The following RCAN3 variants were observed in gnomAD, a reference collection of about 807,000 sequenced individuals.
The protein encoded by RCAN3 is regulator of calcineurin 3.
Under a neutral mutation model 21.9 loss-of-function variants are expected in RCAN3, and 19 were observed. The ratio of observed to expected loss-of-function variants is 0.87; its 90% CI spans 0.61 to 1.27. The LOEUF is 1.27. Among genes scored for constraint, RCAN3 ranks in the 50% most tolerant of loss-of-function variants. The pLI is 0.00. For missense variants in RCAN3, 240 were observed against 300.1 expected (o/e 0.80, Z 1.48); for synonymous variants, 114 against 112.3 (o/e 1.01, Z -0.09).
intron 2 of RCAN3, among the ~76,000 whole-genome samples, chr1:24,515,909 C>T (rs1341020450): frequency 1.3e-5 from 2 of 152,114 alleles, no homozygotes; most frequent in African/African-American, 4.8e-5. Context: ...CTTTGGGAGG[C>T]CAAGGCAGGC....
rs1319891104 is a variant in RCAN3, at chr1:24,539,711, A to G, written c.*4434A>G. On this transcript the variant is annotated 3_prime_UTR_variant, in exon 5 of 5. Transcript: ENST00000374395. ...TTTAAAAGGGAAAATCTCACACATA[A>G]TTAAGCAGTGGAAAATGTGCTCAAT... The G allele has an allele frequency of 6.6e-6, 1 of 152,236 alleles. No homozygotes were observed. The highest frequency in any genetic ancestry group is 1.5e-5 in the Non-Finnish European group (1 of 68,046). 9.4% of individuals were successfully genotyped at this position (152,236 alleles called of 1,614,324 possible). A position where few individuals can be genotyped will look rare whatever the true frequency, so the allele number is the denominator to read the frequency against.
At chr1:24,506,612 A>G (rs1229861841) in intron 1 of RCAN3, among the ~76,000 whole-genome samples, 1 of 151,740 alleles carries the variant, frequency 6.6e-6, no homozygotes, top group Admixed American at 6.6e-5. Flanking sequence ...AACAGAAGGA[A>G]TTGGTGACTC....
chr1:24,502,749 CCCCCGCGCGCCCCCGCCCCGGT>C (rs1204001375), upstream of RCAN3: 1 of 150,662 alleles, frequency 6.6e-6, no homozygotes, highest in African/African-American at 2.4e-5. Flanking sequence ...CCCACCCCGG[CCCCCGCGCGCCCCCGCCCCGGT>C]CCCCGCCCGG....
At chr1:24,532,813 G>A (rs537350264) in intron 3 of RCAN3, among the ~76,000 whole-genome samples, 11 of 151,286 alleles carry the variant, frequency 7.3e-5, no homozygotes, top group Middle Eastern at 3.4e-3. Flanking sequence ...TTAGCCGGGC[G>A]TGGTGACATG....
intron 3 of RCAN3, among the ~76,000 whole-genome samples, chr1:24,532,747 G>GTGCTA (rs1394536320): frequency 6.6e-6 from 1 of 150,608 alleles, no homozygotes; most frequent in Non-Finnish European, 1.5e-5. Flanking sequence ...AGGAGATCGA[G>GTGCTA]ACCATCCTGG....
Position 24,523,603 on chromosome 1 carries a change from TACACACACACACACACACAC to T in RCAN3, c.196-7595_196-7576del, listed in dbSNP as rs71577716. Among the ~76,000 whole-genome samples the T allele has an allele frequency of 2.8e-5, 4 of 140,760 alleles. No individual in the cohort carries two copies. The East Asian group carries it at 6.1e-4, about 21-fold the overall frequency. The allele number at this position is 140,760 out of a possible 152,430, so 92.3% of individuals were successfully genotyped here. ...TATATCAAATCTATATTATTTCTAA[TACACACACACACACACACAC>T]ACACACACACACACACACATATATA... is the stretch of plus-strand genomic sequence containing the variant. On this transcript the variant is annotated intron_variant, in intron 2 of 4. Coordinates refer to ENST00000374395, the MANE Select transcript of RCAN3 (RefSeq NM_013441.4).
chr1:24,517,084 G>GTTTTTTTTTTTT (rs11372088), intron 2 of RCAN3, among the ~76,000 whole-genome samples: 2 of 146,860 alleles, frequency 1.4e-5, no homozygotes, highest in African/African-American at 5.0e-5. Flanking sequence ...CTATTTTTTT[G>GTTTTTTTTTTTT]TTTTTTTTTG....
chr1:24,503,528 CCT>C (rs1647235393), intron 1 of RCAN3, among the ~76,000 whole-genome samples: 1 of 152,222 alleles, frequency 6.6e-6, no homozygotes. Context: ...GTGGAAGCCC[CCT>C]GTCTTTCTCC....
In RCAN3 at chr1:24,536,003, C is replaced by G. The variant is rs1051369905; in HGVS notation, c.*726C>G. The G allele has an allele frequency of 1.3e-5, 2 of 151,552 alleles. No individual in the cohort carries two copies. Among genetic ancestry groups the G allele is most frequent in the Non-Finnish European group, 2.9e-5 (2 of 68,014 alleles). 9.4% of individuals were successfully genotyped at this position (151,552 alleles called of 1,614,324 possible). On this transcript the variant is annotated 3_prime_UTR_variant, in exon 5 of 5. Coordinates refer to ENST00000374395, the MANE Select transcript of RCAN3 (RefSeq NM_013441.4). ...GACATGGCTGCCCAGGAAGGACGGC[C>G]ACTTTAGAAGTGGGACGTATCACCA...
intron 2 of RCAN3, among the ~76,000 whole-genome samples, chr1:24,524,347 G>C (rs911673954): frequency 1.3e-5 from 2 of 152,162 alleles, no homozygotes; most frequent in African/African-American, 4.8e-5. Context: ...TTCAGTTACA[G>C]GTTTCTTTCT....
Position 24,514,487 on chromosome 1 carries a change from A to G in RCAN3, c.115A>G (p.Met39Val). The G allele has an allele frequency of 6.2e-7, 1 of 1,614,142 alleles. No homozygotes were observed. Among genetic ancestry groups the G allele is most frequent in the Non-Finnish European group, 8.5e-7 (1 of 1,180,020 alleles). Residue 39 changes from methionine (M) to valine (V), a missense_variant, in exon 2 of 5, where the codon ATG becomes GTG. Transcript: ENST00000374395. Reference protein sequence around the residue: ...FGENEDDLDEMMDLSDLPTSL... With the variant: ...FGENEDDLDEVMDLSDLPTSL... ...TGAAAATGAAGATGATTTGGATGAG[A>G]TGATGGATTTAAGTGATCTGCCTAC...
chr1:24,508,209 G>C (rs895947347), intron 1 of RCAN3, among the ~76,000 whole-genome samples: 2 of 152,250 alleles, frequency 1.3e-5, no homozygotes, highest in African/African-American at 4.8e-5. Flanking sequence ...CCATATGGAT[G>C]ACTGATTTTC....
At chr1:24,531,173 T>C (rs767535420) in intron 2 of RCAN3, 45 bp from the exon 3 acceptor site, 3 of 1,345,892 alleles carry the variant, frequency 2.2e-6, no homozygotes, top group Admixed American at 2.5e-5. Context: ...TTTTCTTTTT[T>C]TTTTTTCCTC....
intron 2 of RCAN3, among the ~76,000 whole-genome samples, chr1:24,517,094 GT>G (rs1396486242): frequency 4.7e-5 from 6 of 126,332 alleles, no homozygotes; most frequent in Non-Finnish European, 6.6e-5. Flanking sequence ...GTTTTTTTTT[GT>G]TTTTTTTTTG....
At chr1:24,511,358 G>C (rs1647870662) in intron 1 of RCAN3, among the ~76,000 whole-genome samples, 2 of 151,200 alleles carry the variant, frequency 1.3e-5, no homozygotes, top group South Asian at 4.2e-4. Context: ...TCCACAGCAT[G>C]TATTGGTTAA....
intron 2 of RCAN3, among the ~76,000 whole-genome samples, chr1:24,526,155 G>C (rs1190528796): frequency 6.6e-6 from 1 of 152,158 alleles, no homozygotes; most frequent in Non-Finnish European, 1.5e-5. Context: ...ACAGTGGTGA[G>C]ATTGTGGCTC....
intron 1 of RCAN3, among the ~76,000 whole-genome samples, chr1:24,503,911 A>C (rs531012700): frequency 8.5e-5 from 13 of 152,378 alleles, no homozygotes; most frequent in African/African-American, 3.1e-4. Context: ...CAATTGATTT[A>C]TCTGTAGCTG....
chr1:24,520,400 T>A (rs892074500), intron 2 of RCAN3, among the ~76,000 whole-genome samples: 1 of 152,118 alleles, frequency 6.6e-6, no homozygotes, highest in Non-Finnish European at 1.5e-5. Context: ...TGAAAGAAAT[T>A]TAAAGAAGGC....
intron 1 of RCAN3, among the ~76,000 whole-genome samples, chr1:24,509,431 A>AT (rs1647711473): frequency 6.6e-6 from 1 of 152,222 alleles, no homozygotes; most frequent in Non-Finnish European, 1.5e-5. Context: ...AAGTTTATGG[A>AT]ATATTGTAAA....
Sources: allele counts gnomAD v4.1 joint callset (sites outside exome capture counted in the v4.1 genomes callset), GRCh38; gene constraint gnomAD v4.1.1; transcripts MANE v1.5; gene names NCBI Gene and HGNC (gene_info 2026-07-23, HGNC 2026-07-21).